Variants in CCSER2 observed in about 807,000 individuals in gnomAD.
CCSER2 encodes coiled-coil serine rich protein 2, also known as serine-rich coiled-coil domain-containing protein 2.
In CCSER2, 46 loss-of-function variants were observed where a neutral mutation model predicts 92.3. The ratio of observed to expected loss-of-function variants is 0.50; its 90% confidence interval spans 0.39 to 0.64. The LOEUF is 0.64. CCSER2 is among the 30% of genes least tolerant of loss of function. The pLI is 0.00. For synonymous variants in CCSER2, 433 were observed against 431.4 expected (o/e 1.00, Z -0.04); for missense variants, 1,244 against 1,238.9 (o/e 1.00, Z -0.06).
intron 1 of CCSER2, among the ~76,000 whole-genome samples, chr10:84,363,270 A>C (rs1845607560): frequency 6.6e-6 from 1 of 151,920 alleles, no homozygotes; most frequent in Admixed American, 6.6e-5. Context: ...CTGGGATTAC[A>C]GGTGTGAGCC....
Position 84,513,792 on chromosome 10 carries a change from C to T in CCSER2, c.2669C>T (p.Thr890Ile). ...CAGTTTATACCCACTTCTCTTCAGA[C>T]ACCTCCCGAGTCAAGTACAGTAGAC... ...DMQFIPTSLQ[T>I]PPESSTVDQA... The change falls in exon 10 of 10, where the codon ACA becomes ATA. Residue 890 changes from threonine (T) to isoleucine (I), a missense_variant. Physicochemically the swap from Thr to Ile is moderately conservative, Grantham distance 89. Transcript: ENST00000372088. The T allele has an allele frequency of 6.5e-7, 1 of 1,536,356 alleles. No individual in the cohort carries two copies. The highest frequency in any genetic ancestry group is 1.2e-5 in the South Asian group (1 of 84,054).
chr10:84,490,394 G>T (rs12360029), intron 9 of CCSER2, among the ~76,000 whole-genome samples: 3,818 of 152,090 alleles, frequency 0.025, 63 homozygotes, highest in Non-Finnish European at 0.039. Flanking sequence ...ATGTAGATTT[G>T]GTCTTTTCAC....
At chr10:84,506,074 TC>T (rs1459406699) in intron 9 of CCSER2, among the ~76,000 whole-genome samples, 1 of 151,588 alleles carries the variant, frequency 6.6e-6, no homozygotes, top group African/African-American at 2.4e-5. Flanking sequence ...ACGAAATTAA[TC>T]ATCTAAGAGT....
chr10:84,418,181 T>A (rs1291046075), intron 4 of CCSER2, among the ~76,000 whole-genome samples: 1 of 152,206 alleles, frequency 6.6e-6, no homozygotes, highest in Non-Finnish European at 1.5e-5. Flanking sequence ...TAGGAAGAAA[T>A]GTATTTACAG....
chr10:84,371,837 G>A lies in CCSER2; in HGVS notation c.785G>A (p.Arg262Lys). 6.2e-7 allele frequency: 1 copy of A among 1,613,930 alleles called. No homozygotes were observed. The highest frequency in any genetic ancestry group is 8.5e-7 in the Non-Finnish European group (1 of 1,179,888). Residue 262 changes from arginine to lysine, a missense_variant, in exon 2 of 10, where the codon AGA (arginine) becomes AAA (lysine). Arg to Lys is a conservative substitution (Grantham distance 26). Transcript: ENST00000372088. ...TATCAGAACCAACAGCTATCCATTA[G>A]AGTGCCTCTACGGTCAAGTATGCTA... ...KPYQNQQLSI[R>K]VPLRSSMLTR...
chr10:84,386,062 T>C (rs2133234230), intron 3 of CCSER2, among the ~76,000 whole-genome samples: 1 of 150,894 alleles, frequency 6.6e-6, no homozygotes, highest in South Asian at 2.1e-4. Flanking sequence ...ATGGCTATTA[T>C]TAAAAAGTTA....
chr10:84,372,474 A>G lies in CCSER2; in HGVS notation c.1417+5A>G. ...GGATAGATATAAGTGTCTCTGGTAA[A>G]TATTACTTACCTTAAGTTTTTTTGC... On this transcript the variant is annotated splice_donor_5th_base_variant and intron_variant, in intron 2 of 9. Coordinates refer to ENST00000372088, the MANE Select transcript of CCSER2 (RefSeq NM_001284240.2). 6.7e-7 allele frequency: 1 copy of G among 1,491,320 alleles called. No individual in the cohort carries two copies. The highest frequency in any genetic ancestry group is 9.0e-7 in the Non-Finnish European group (1 of 1,107,326). The allele number at this position is 1,491,320 out of a possible 1,614,324, so 92.4% of individuals were successfully genotyped here.
At chr10:84,335,976 G>C (rs966320785) in intron 1 of CCSER2, among the ~76,000 whole-genome samples, 2 of 152,096 alleles carry the variant, frequency 1.3e-5, no homozygotes, top group Admixed American at 1.3e-4. Context: ...TTTTCGGGGT[G>C]GGGAGGCAGG....
intron 1 of CCSER2, among the ~76,000 whole-genome samples, chr10:84,347,757 G>T (rs1442894780): frequency 2.0e-5 from 3 of 151,238 alleles, no homozygotes; most frequent in Non-Finnish European, 3.0e-5. Flanking sequence ...GCTGCCGGGC[G>T]GAGGGGCTCC....
At chr10:84,425,450 G>A (rs1390374375) in intron 4 of CCSER2, among the ~76,000 whole-genome samples, 1 of 152,052 alleles carries the variant, frequency 6.6e-6, no homozygotes, top group Non-Finnish European at 1.5e-5. Flanking sequence ...TTGATTTCAA[G>A]GTTAATTTGC....
chr10:84,474,137 G>A (rs1331075991), intron 8 of CCSER2, among the ~76,000 whole-genome samples: 1 of 152,164 alleles, frequency 6.6e-6, no homozygotes, highest in African/African-American at 2.4e-5. Flanking sequence ...TAATAGTTCA[G>A]ATACATTTCT....
intron 9 of CCSER2, among the ~76,000 whole-genome samples, chr10:84,497,692 A>C (rs1020677008): frequency 4.6e-5 from 7 of 152,208 alleles, no homozygotes; most frequent in Non-Finnish European, 1.5e-5. Flanking sequence ...AGAAGGTGGG[A>C]CATCTAATAT....
intron 9 of CCSER2, among the ~76,000 whole-genome samples, chr10:84,490,547 G>A (rs1445637112): frequency 6.6e-6 from 1 of 152,138 alleles, no homozygotes; most frequent in Non-Finnish European, 1.5e-5. Context: ...ACTGAAGCTT[G>A]TGCATTCGTC....
At chr10:84,417,362 CTTATT>C (rs1259975337) in intron 3 of CCSER2, among the ~76,000 whole-genome samples, 3 of 152,114 alleles carry the variant, frequency 2.0e-5, no homozygotes, top group South Asian at 2.1e-4. Flanking sequence ...TTGTTAAAGA[CTTATT>C]TTATTATTTA....
chr10:84,359,691 C>T (rs1845394974), intron 1 of CCSER2, among the ~76,000 whole-genome samples: 1 of 151,864 alleles, frequency 6.6e-6, no homozygotes, highest in Admixed American at 6.6e-5. Context: ...TATATAAGTG[C>T]TCCTGAGAGA....
chr10:84,405,261 G>A (rs543712656), intron 3 of CCSER2, among the ~76,000 whole-genome samples: 2 of 151,978 alleles, frequency 1.3e-5, no homozygotes, highest in African/African-American at 4.8e-5. Flanking sequence ...CCATTTGATC[G>A]TTCATATATT....
chr10:84,489,900 G>C (rs1274856991), intron 9 of CCSER2, among the ~76,000 whole-genome samples: 1 of 152,162 alleles, frequency 6.6e-6, no homozygotes, highest in Non-Finnish European at 1.5e-5. Flanking sequence ...TCCATGTTTA[G>C]TGCTTCCTTC....
chr10:84,494,141 C>G (rs1249797152), intron 9 of CCSER2, among the ~76,000 whole-genome samples: 2 of 152,210 alleles, frequency 1.3e-5, no homozygotes, highest in Non-Finnish European at 2.9e-5. Flanking sequence ...TGCTCACCTC[C>G]TGCTGTGTTG....
At chr10:84,449,805 C>T (rs984769203) in intron 6 of CCSER2, among the ~76,000 whole-genome samples, 3 of 152,190 alleles carry the variant, frequency 2.0e-5, no homozygotes, top group Non-Finnish European at 4.4e-5. Flanking sequence ...TGAGATCGCG[C>T]CATTGCACTC....
Sources: allele counts gnomAD v4.1 joint callset (sites outside exome capture counted in the v4.1 genomes callset), GRCh38; gene constraint gnomAD v4.1.1; transcripts MANE v1.5; gene names NCBI Gene and HGNC (gene_info 2026-07-23, HGNC 2026-07-21).